DNAH17: variants seen among roughly 807,000 people sequenced by gnomAD.
The protein encoded by DNAH17 is axonemal beta dynein heavy chain 17.
A neutral mutation model predicts 485.6 loss-of-function variants in DNAH17; 376 were observed. That is an observed-to-expected ratio of 0.77 (90% CI 0.71 to 0.84). The LOEUF is 0.84. Among genes scored for constraint, DNAH17 ranks in the 40% least tolerant of loss-of-function variants. The pLI, the probability that DNAH17 is intolerant of heterozygous loss-of-function variation, is 0.00. For synonymous variants in DNAH17, 3,031 were observed against 2,405.9 expected (o/e 1.26, Z -7.60); for missense variants, 6,370 against 5,839.3 (o/e 1.09, Z -2.96).
chr17:78,495,477 G>A (rs915659113), intron 38 of DNAH17, among the ~76,000 whole-genome samples: 5 of 138,444 alleles, frequency 3.6e-5, no homozygotes, highest in Non-Finnish European at 6.2e-5. Flanking sequence ...TGTTCTTGTT[G>A]CCCAGGCTGG....
intron 56 of DNAH17, 144 bp from the exon 57 acceptor site, chr17:78,463,221 C>G: frequency 1.4e-6 from 1 of 699,916 alleles, no homozygotes; most frequent in South Asian, 1.9e-5. Flanking sequence ...CAAAGGGGCT[C>G]CTGAGAGCAA....
Position 78,537,338 on chromosome 17 carries a change from C to G in DNAH17, c.2820G>C (p.Arg940Ser), listed in dbSNP as rs755986096. Residue 940 changes from arginine to serine, a missense_variant, in exon 19 of 81, where the codon AGG becomes AGC. Arg to Ser is a moderately radical substitution (Grantham distance 110). Coordinates refer to ENST00000389840, the MANE Select transcript of DNAH17 (RefSeq NM_173628.4). ...GLVNDIYNVA[R>S]LIPRLAKDRM... ...TGTCCTTGGCCAGCCGAGGGATGAG[C>G]CTGGCTACGTTGTAGATGTCGTTGA... 2.5e-6 allele frequency: 4 copies of G among 1,598,232 alleles called. No individual in the cohort carries two copies. The highest frequency in any genetic ancestry group is 3.5e-5 in the Admixed American group (2 of 57,732).
At position 78,510,366 on chromosome 17, in the gene DNAH17, A is replaced by T; in HGVS notation, c.4236+18T>A. On this transcript the variant is annotated intron_variant, in intron 27 of 80. Transcript: ENST00000389840. ...GCTGATCCCACGTTGCACAGACAGCACCGCCAGCACGGCCTACCTTTTCCA... is the reference window on the plus strand; with the variant it reads ...GCTGATCCCACGTTGCACAGACAGCTCCGCCAGCACGGCCTACCTTTTCCA... 6.2e-7 allele frequency: 1 copy of T among 1,610,834 alleles called. No individual in the cohort carries two copies. The highest frequency in any genetic ancestry group is 1.1e-5 in the South Asian group (1 of 90,964).
intron 16 of DNAH17, among the ~76,000 whole-genome samples, chr17:78,546,335 A>G (rs1294728213): frequency 2.0e-5 from 3 of 152,258 alleles, no homozygotes; most frequent in South Asian, 2.1e-4. Flanking sequence ...TTTGTTTTAG[A>G]TATCTCTTGG....
At chr17:78,518,992 C>T (rs377589400) in intron 25 of DNAH17, among the ~76,000 whole-genome samples, 1 of 151,650 alleles carries the variant, frequency 6.6e-6, no homozygotes, top group African/African-American at 2.4e-5. Flanking sequence ...CATGGTGAAA[C>T]CCCGTCTCTA....
chr17:78,434,324 GGGTGGGGGC>G, intron 74 of DNAH17, 104 bp from the exon 75 acceptor site: 1 of 1,123,226 alleles, frequency 8.9e-7, no homozygotes, highest in Non-Finnish European at 1.2e-6. Flanking sequence ...TGCTTTGCTA[GGGTGGGGGC>G]GGTGGGGGGT....
chr17:78,547,708 C>T (rs1432904107), intron 16 of DNAH17, among the ~76,000 whole-genome samples: 1 of 151,894 alleles, frequency 6.6e-6, no homozygotes, highest in Non-Finnish European at 1.5e-5. Context: ...ACCTCCACCT[C>T]CCAGGTTCAA....
At chr17:78,473,113 G>A (rs928468270) in intron 54 of DNAH17, among the ~76,000 whole-genome samples, 2 of 152,174 alleles carry the variant, frequency 1.3e-5, no homozygotes, top group Admixed American at 1.3e-4. Context: ...ATAGGGGTGA[G>A]CCTATTACTA....
chr17:78,429,917 A>T, intron 75 of DNAH17, among the ~76,000 whole-genome samples: 1 of 152,234 alleles, frequency 6.6e-6, no homozygotes, highest in African/African-American at 2.4e-5. Context: ...TTGCAGTCAC[A>T]TAGAGGGTTT....
In DNAH17 at chr17:78,463,042, G is replaced by C. The variant is rs376210967; in HGVS notation, c.8976C>G (p.Ser2992=). ...TCTCGTTGACGGTGGTGTGCACGTA[G>C]GACATGAAGAAGCTGATGGAGGCCT... The part of the protein sequence containing the change: ...EVKASISFFM[S]YVHTTVNEMS... The change falls in exon 57 of 81, where the codon TCC becomes TCG. Residue 2992 remains serine, a synonymous_variant. Transcript: ENST00000389840. The C allele has an allele frequency of 2.8e-3, 4,441 of 1,613,892 alleles. 127 individuals carry two copies. In the South Asian group the frequency reaches 0.046, roughly 17 times the overall value.
In DNAH17 at chr17:78,478,732, C is replaced by T. The variant is rs1013595314; in HGVS notation, c.7992+293G>A. On this transcript the variant is annotated intron_variant, in intron 51 of 80. Transcript: ENST00000389840. ...TCACCACCACTATTGCCATCATCAC[C>T]ACCATCATCACCATCACCACCATCA... 4 of 379,746 alleles carry T rather than the reference C, an allele frequency of 1.1e-5. No homozygotes were observed. The Admixed American group carries it at 1.8e-4, about 17-fold the overall frequency. The allele number at this position is 379,746 out of a possible 1,614,324, so 23.5% of individuals were successfully genotyped here. A position where few individuals can be genotyped will look rare whatever the true frequency, so the allele number is the denominator to read the frequency against.
At chr17:78,555,512 G>A (rs1204926672) in intron 14 of DNAH17, among the ~76,000 whole-genome samples, 3 of 140,944 alleles carry the variant, frequency 2.1e-5, no homozygotes, top group South Asian at 2.3e-4. Flanking sequence ...GCCCTGCCAC[G>A]GCTGCCGGGG....
chr17:78,569,564 C>T, intron 7 of DNAH17, 37 bp from the exon 8 acceptor site: 1 of 1,581,432 alleles, frequency 6.3e-7, no homozygotes, highest in South Asian at 1.2e-5. Context: ...AAAGCTCCGA[C>T]AAGCCATTTG....
Position 78,567,115 on chromosome 17 carries a change from C to CAA in DNAH17, c.1334_1335dup (p.Gly446LeufsTer13). On this transcript the variant is annotated frameshift_variant, in exon 10 of 81. Coordinates refer to ENST00000389840, the MANE Select transcript of DNAH17 (RefSeq NM_173628.4). LOFTEE classifies it high-confidence loss of function. ...CCGAGGAGGTTCCCACGCACGCCCCCAAGCTCGATTTTCTCCAGCTTCAGA... is the reference window on the plus strand; with the variant it reads ...CCGAGGAGGTTCCCACGCACGCCCCCAAAAGCTCGATTTTCTCCAGCTTCAGA... 1 of 1,611,378 alleles carries CAA rather than the reference C, an allele frequency of 6.2e-7. No homozygotes were observed. The highest frequency in any genetic ancestry group is 8.5e-7 in the Non-Finnish European group (1 of 1,178,788).
chr17:78,490,236 G>T, intron 44 of DNAH17: 1 of 158,460 alleles, frequency 6.3e-6, no homozygotes, highest in African/African-American at 2.4e-5. Flanking sequence ...GTCAGGAGCA[G>T]CCTCCGCCTT....
At chr17:78,480,115 G>A (rs142636280) in intron 49 of DNAH17, among the ~76,000 whole-genome samples, 18 of 145,918 alleles carry the variant, frequency 1.2e-4, no homozygotes, top group African/African-American at 4.3e-4. Flanking sequence ...TTGGGAGGCC[G>A]AGGAGGGCAG....
intron 7 of DNAH17, 125 bp from the exon 8 acceptor site, chr17:78,569,652 T>A: frequency 8.1e-7 from 1 of 1,235,552 alleles, no homozygotes; most frequent in Non-Finnish European, 1.1e-6. Flanking sequence ...ACCCCTCCTA[T>A]CTGCCCACTG....
Position 78,494,136 on chromosome 17 carries a change from G to T in DNAH17, c.6308C>A (p.Ala2103Glu). ...KQSIVELKLQ[A>E]EDSFVLKVVQ... Reference sequence around the variant, plus strand: ...CACCTTCAGCACGAAGCTGTCCTCCGCCTGCAGCTTGAGCTCCACGATGCT... The same window carrying T: ...CACCTTCAGCACGAAGCTGTCCTCCTCCTGCAGCTTGAGCTCCACGATGCT... The change falls in exon 41 of 81, where the codon GCG becomes GAG. Residue 2103 changes from alanine (A) to glutamate (E), a missense_variant. Physicochemically the swap from Ala to Glu is moderately radical, Grantham distance 107 (BLOSUM62 -1). Coordinates refer to ENST00000389840, the MANE Select transcript of DNAH17 (RefSeq NM_173628.4). The T allele has an allele frequency of 6.2e-7, 1 of 1,612,668 alleles. No individual in the cohort carries two copies. The highest frequency in any genetic ancestry group is 8.5e-7 in the Non-Finnish European group (1 of 1,179,798).
At chr17:78,460,620 G>T (rs529413385) in intron 58 of DNAH17, among the ~76,000 whole-genome samples, 1 of 152,068 alleles carries the variant, frequency 6.6e-6, no homozygotes, top group Non-Finnish European at 1.5e-5. Flanking sequence ...CCTCCCTGAC[G>T]CCTCTACTCT....
Sources: allele counts gnomAD v4.1 joint callset (sites outside exome capture counted in the v4.1 genomes callset), GRCh38; gene constraint gnomAD v4.1.1; transcripts MANE v1.5; gene names NCBI Gene and HGNC (gene_info 2026-07-23, HGNC 2026-07-21).